The following ANKRD36B variants were observed in gnomAD, a reference collection of about 807,000 sequenced individuals.
ANKRD36B encodes ankyrin repeat domain-containing protein 36B.
In ANKRD36B, 37 loss-of-function variants were observed where a neutral mutation model predicts 135.7. The ratio of observed to expected loss-of-function variants is 0.27; its 90% CI spans 0.21 to 0.36. The LOEUF (loss-of-function observed/expected upper bound fraction) is 0.36, where lower values mean the gene tolerates loss of function less well. Among genes scored for constraint, ANKRD36B ranks in the 10% least tolerant of loss-of-function variants. The pLI is 1.00. For synonymous variants in ANKRD36B, 179 were observed against 348.1 expected, an observed-to-expected ratio of 0.51 and a Z score of 5.41; for missense variants, 549 against 1,037.1, an observed-to-expected ratio of 0.53 and a Z score of 6.46.
chr2:97,548,269 C>T (rs2079686746), intron 20 of ANKRD36B, among the ~76,000 whole-genome samples: 1 of 151,812 alleles, frequency 6.6e-6, no homozygotes, highest in Admixed American at 6.6e-5. Flanking sequence ...CCTTGGACAC[C>T]TGTTTGCTGA....
intron 20 of ANKRD36B, among the ~76,000 whole-genome samples, chr2:97,548,980 C>A (rs1220499049): frequency 6.6e-6 from 1 of 151,934 alleles, no homozygotes; most frequent in Non-Finnish European, 1.5e-5. Flanking sequence ...GATTGCTACA[C>A]CAGGGGTCTC....
intron 1 of ANKRD36B, among the ~76,000 whole-genome samples, chr2:97,588,313 T>C (rs1333901657): frequency 1.3e-5 from 2 of 151,952 alleles, no homozygotes; most frequent in Admixed American, 6.5e-5. Context: ...CCAATTCTAT[T>C]AGATTGGTGC....
At chr2:97,547,984 C>T (rs1005855822) in intron 20 of ANKRD36B, among the ~76,000 whole-genome samples, 6 of 151,654 alleles carry the variant, frequency 4.0e-5, no homozygotes, top group African/African-American at 1.5e-4. Flanking sequence ...AAAATAAAAC[C>T]GTGTCAATAT....
At chr2:97,531,182 T>G (rs2078568137) in intron 35 of ANKRD36B, among the ~76,000 whole-genome samples, 1 of 89,510 alleles carries the variant, frequency 1.1e-5, no homozygotes, top group Admixed American at 1.0e-4. Flanking sequence ...ATAGCCTGGA[T>G]TAAGAAAATG....
At chr2:97,586,946 G>C (rs1210914749) in intron 1 of ANKRD36B, among the ~76,000 whole-genome samples, 3 of 152,164 alleles carry the variant, frequency 2.0e-5, no homozygotes, top group Non-Finnish European at 2.9e-5. Context: ...GGCCGAGGCG[G>C]GGGGATCACC....
At position 97,567,284 on chromosome 2, in the gene ANKRD36B, TGGA is replaced by T. The variant is rs1389898259; in HGVS notation, c.764-6427_764-6425del. On this transcript the variant is annotated intron_variant, in intron 6 of 43. Coordinates refer to ENST00000359901, the MANE Select transcript of ANKRD36B (RefSeq NM_001393939.1). ...ATCCAGGTAGCTGAATACAGCTACC[TGGA>T]TGCTCTCCAAATCCAATCCTTTTGG... Among the ~76,000 whole-genome samples, 22 of 148,462 alleles carry T rather than the reference TGGA, an allele frequency of 1.5e-4. 1 individual carries two copies. The highest frequency in any genetic ancestry group is 5.4e-4 in the African/African-American group (22 of 40,426).
rs756374979 is a variant in ANKRD36B, at chr2:97,553,282, T to C, written c.1201-42A>G. 4 of 1,599,412 alleles carry C rather than the reference T, an allele frequency of 2.5e-6. No individual in the cohort carries two copies. In the Admixed American group the frequency reaches 5.1e-5, roughly 20 times the overall value. Reference sequence around the variant, plus strand: ...AGAAAATAATAAATAAATAAATAAATGAAGTATGTTTCATAGACTATAGAT... The same window carrying C: ...AGAAAATAATAAATAAATAAATAAACGAAGTATGTTTCATAGACTATAGAT... On this transcript the variant is annotated intron_variant, in intron 15 of 43. Coordinates refer to ENST00000359901, the MANE Select transcript of ANKRD36B (RefSeq NM_001393939.1).
intron 6 of ANKRD36B, among the ~76,000 whole-genome samples, chr2:97,562,050 A>G (rs1278310839): frequency 6.6e-6 from 1 of 151,952 alleles, no homozygotes; most frequent in Non-Finnish European, 1.5e-5. Context: ...ATTTATACTC[A>G]TGAAGACTCC....
chr2:97,547,061 A>AC, intron 22 of ANKRD36B: 1 of 152,086 alleles, frequency 6.6e-6, no homozygotes, highest in Admixed American at 6.6e-5. Context: ...CCTCTTTTTC[A>AC]GCCTTCCTGC....
intron 34 of ANKRD36B, among the ~76,000 whole-genome samples, chr2:97,534,812 C>G (rs1428607976): frequency 1.0e-5 from 1 of 96,806 alleles, no homozygotes; most frequent in Non-Finnish European, 2.7e-5. Context: ...CATGATCCAG[C>G]AATCCCATTG....
At position 97,555,220 on chromosome 2, in the gene ANKRD36B, A is replaced by C. The variant is rs1229475316; in HGVS notation, c.1098+6T>G. On this transcript the variant is annotated splice_donor_region_variant and intron_variant, in intron 13 of 43. Coordinates refer to ENST00000359901, the MANE Select transcript of ANKRD36B (RefSeq NM_001393939.1). ...TAATACAAAATATAAATGAGAATTT[A>C]ATTACCTTTGAGGCTGGTTGTTTCT... 1.3e-5 allele frequency: 21 copies of C among 1,611,376 alleles called. No homozygotes were observed. The highest frequency in any genetic ancestry group is 1.7e-5 in the Non-Finnish European group (20 of 1,178,374).
chr2:97,549,753 G>A (rs527780002), intron 18 of ANKRD36B, 139 bp from the exon 19 acceptor site: 61 of 1,454,882 alleles, frequency 4.2e-5, no homozygotes, highest in Admixed American at 7.7e-5. Context: ...TTGTGTCTGC[G>A]GACTAGAACG....
At chr2:97,575,177 T>G (rs547302724) in intron 6 of ANKRD36B, among the ~76,000 whole-genome samples, 5 of 152,188 alleles carry the variant, frequency 3.3e-5, no homozygotes, top group African/African-American at 1.2e-4. Context: ...TAGCCACTGC[T>G]CATTCTCCTT....
intron 22 of ANKRD36B, among the ~76,000 whole-genome samples, chr2:97,546,206 G>A (rs1576910329): frequency 6.6e-6 from 1 of 151,812 alleles, no homozygotes; most frequent in Middle Eastern, 3.4e-3. Flanking sequence ...CAATGTCAAA[G>A]CAGGTGCTAC....
rs554816144 is a variant in ANKRD36B, at chr2:97,528,651, C to A, written c.2265+3660G>T. On this transcript the variant is annotated intron_variant, in intron 35 of 43. Transcript: ENST00000359901. ...GAAAGGATCAACAAAATTGATAGAC[C>A]GCTAGCAAGACTAATAAAGAAGAAA... Among the ~76,000 whole-genome samples, 43 of 94,348 alleles carry A rather than the reference C, an allele frequency of 4.6e-4. 16 individuals carry two copies. The highest frequency in any genetic ancestry group is 1.0e-3 in the Non-Finnish European group (37 of 35,476). 61.9% of individuals were successfully genotyped at this position (94,348 alleles called of 152,430 possible). A position where few individuals can be genotyped will look rare whatever the true frequency, so the allele number is the denominator to read the frequency against.
At chr2:97,546,630 T>C (rs1329412980) in intron 22 of ANKRD36B, among the ~76,000 whole-genome samples, 1 of 151,776 alleles carries the variant, frequency 6.6e-6, no homozygotes, top group East Asian at 1.9e-4. Context: ...CAGTTTTTCA[T>C]TCAGAAATCA....
chr2:97,580,595 A>G (rs1263807368), intron 3 of ANKRD36B, 27 bp from the exon 4 acceptor site: 8 of 1,526,800 alleles, frequency 5.2e-6, no homozygotes, highest in African/African-American at 1.4e-5. Context: ...ACAATTTATA[A>G]TCACAAAATT....
At chr2:97,531,356 C>T (rs190280023) in intron 35 of ANKRD36B, among the ~76,000 whole-genome samples, 11,276 of 62,462 alleles carry the variant, frequency 0.18, 3,459 homozygotes, top group Middle Eastern at 0.4. Context: ...AATTGAACAA[C>T]GAGAACACGT....
At chr2:97,521,643 G>A (rs2077952453) in intron 36 of ANKRD36B, among the ~76,000 whole-genome samples, 1 of 96,422 alleles carries the variant, frequency 1.0e-5, no homozygotes, top group East Asian at 2.3e-4. Flanking sequence ...AAAAAGTCTG[G>A]GGTTTTAGAG....
Sources: gnomAD v4.1 joint callset for allele counts (sites outside exome capture counted in the v4.1 genomes callset) on GRCh38, gnomAD v4.1.1 for gene constraint, MANE v1.5 for transcripts, NCBI Gene and HGNC (gene_info 2026-07-23, HGNC 2026-07-21) for gene names.